Variants in TOX observed in about 807,000 individuals in gnomAD.
TOX encodes the protein thymocyte selection-associated high mobility group box protein TOX.
In TOX, 11 loss-of-function variants were observed where a neutral mutation model predicts 53.7. That is an observed-to-expected ratio of 0.20 (90% confidence interval 0.13 to 0.34). The LOEUF is 0.34. TOX is among the 10% of genes least tolerant of loss of function. The probability of loss-of-function intolerance (pLI) is 1.00; values close to 1 mark genes in which losing one functional copy is unlikely to be tolerated. For synonymous variants in TOX, 225 were observed against 245.3 expected (o/e 0.92, Z 0.77); for missense variants, 570 against 664.6 (o/e 0.86, Z 1.56).
intron 7 of TOX, among the ~76,000 whole-genome samples, chr8:58,810,942 T>A (rs1052304689): frequency 6.6e-6 from 1 of 152,188 alleles, no homozygotes; most frequent in African/African-American, 2.4e-5. Flanking sequence ...ATGAGTGACT[T>A]CAGTTTACAA....
At chr8:58,822,833 A>G (rs1810304599) in intron 6 of TOX, among the ~76,000 whole-genome samples, 1 of 152,244 alleles carries the variant, frequency 6.6e-6, no homozygotes, top group African/African-American at 2.4e-5. Flanking sequence ...AAGCTCTGCA[A>G]CAAGACAGTG....
At chr8:58,934,035 C>T (rs1812304243) in intron 3 of TOX, among the ~76,000 whole-genome samples, 1 of 152,144 alleles carries the variant, frequency 6.6e-6, no homozygotes, top group Admixed American at 6.6e-5. Context: ...CAATTACTCA[C>T]TATCAAAATA....
chr8:58,929,039 G>T (rs1489581025), intron 3 of TOX, among the ~76,000 whole-genome samples: 1 of 152,054 alleles, frequency 6.6e-6, no homozygotes, highest in East Asian at 1.9e-4. Context: ...CATTTTGAGA[G>T]GGTTTTTGCC....
chr8:58,887,976 G>C (rs772351420), intron 3 of TOX, among the ~76,000 whole-genome samples: 4 of 152,040 alleles, frequency 2.6e-5, no homozygotes, highest in Non-Finnish European at 4.4e-5. Flanking sequence ...AAGCTAGATG[G>C]TATAGCCTAC....
chr8:58,968,915 G>A (rs529838684), intron 1 of TOX, among the ~76,000 whole-genome samples: 6 of 152,088 alleles, frequency 3.9e-5, no homozygotes, highest in African/African-American at 7.2e-5. Flanking sequence ...GGGTTGAAAC[G>A]GTAAAACTTT....
At chr8:58,893,405 C>T (rs962873441) in intron 3 of TOX, among the ~76,000 whole-genome samples, 2 of 152,154 alleles carry the variant, frequency 1.3e-5, no homozygotes, top group African/African-American at 4.8e-5. Context: ...AGATGATATT[C>T]ACCACTGCAG....
At chr8:58,882,856 G>C (rs142042243) in intron 3 of TOX, among the ~76,000 whole-genome samples, 1 of 152,072 alleles carries the variant, frequency 6.6e-6, no homozygotes, top group African/African-American at 2.4e-5. Flanking sequence ...AAGATTCTTC[G>C]AACTGTCTCA....
At chr8:59,039,316 C>A (rs1158450213) in intron 1 of TOX, among the ~76,000 whole-genome samples, 1 of 152,184 alleles carries the variant, frequency 6.6e-6, no homozygotes, top group Non-Finnish European at 1.5e-5. Context: ...CAACAATTAT[C>A]AAATATTTTC....
intron 1 of TOX, among the ~76,000 whole-genome samples, chr8:58,994,404 G>A (rs919198603): frequency 6.0e-5 from 9 of 149,824 alleles, no homozygotes; most frequent in African/African-American, 2.3e-4. Flanking sequence ...GTGTGTGTGT[G>A]TGTGTGTGTG....
At chr8:58,943,532 C>G (rs928336225) in intron 2 of TOX, among the ~76,000 whole-genome samples, 15 of 151,738 alleles carry the variant, frequency 9.9e-5, no homozygotes, top group African/African-American at 3.6e-4. Flanking sequence ...TTCTCCAACT[C>G]TCTTGGGAAC....
chr8:58,966,393 A>T (rs1309218374), intron 1 of TOX, among the ~76,000 whole-genome samples: 1 of 152,228 alleles, frequency 6.6e-6, no homozygotes, highest in Non-Finnish European at 1.5e-5. Context: ...ACTCAGGAGC[A>T]CACAGAGCTG....
At chr8:59,001,486 G>C (rs1198793979) in intron 1 of TOX, among the ~76,000 whole-genome samples, 1 of 152,240 alleles carries the variant, frequency 6.6e-6, no homozygotes, top group East Asian at 1.9e-4. Flanking sequence ...CATCAGTTTT[G>C]AGGGGATGTG....
chr8:59,020,514 C>T (rs547175020), intron 1 of TOX, among the ~76,000 whole-genome samples: 1 of 152,208 alleles, frequency 6.6e-6, no homozygotes, highest in East Asian at 1.9e-4. Context: ...TACAGGAATG[C>T]GATACAGTAT....
intron 3 of TOX, among the ~76,000 whole-genome samples, chr8:58,882,799 G>A (rs1208096102): frequency 2.0e-5 from 3 of 152,188 alleles, no homozygotes; most frequent in Non-Finnish European, 2.9e-5. Flanking sequence ...TAGGACATAT[G>A]AGTGCATTGG....
rs537433602 is a variant in TOX, at chr8:58,832,679, G to C, written c.924+5402C>G. On this transcript the variant is annotated intron_variant, in intron 5 of 8. Transcript: ENST00000361421. The stretch of plus-strand genomic sequence containing the variant: ...TTAGCAGGACAGGCTCATAATTGAA[G>C]CAAATTAACTATTTACACTTGCCAC... Among the ~76,000 whole-genome samples, 474 of 152,238 alleles carry C rather than the reference G, an allele frequency of 3.1e-3. 2 individuals carry two copies. The highest frequency in any genetic ancestry group is 5.2e-3 in the Non-Finnish European group (357 of 68,020).
At chr8:58,875,752 T>C (rs192834022) in intron 3 of TOX, among the ~76,000 whole-genome samples, 1 of 152,326 alleles carries the variant, frequency 6.6e-6, no homozygotes, top group East Asian at 1.9e-4. Flanking sequence ...AAAGGTTAGA[T>C]GAGCTGGATT....
intron 3 of TOX, among the ~76,000 whole-genome samples, chr8:58,932,802 C>A (rs1386076103): frequency 6.6e-6 from 1 of 152,088 alleles, no homozygotes; most frequent in East Asian, 1.9e-4. Context: ...TCCTGTATAG[C>A]ACCTATGAAA....
chr8:59,023,442 A>C (rs549825719), intron 1 of TOX, among the ~76,000 whole-genome samples: 1 of 152,318 alleles, frequency 6.6e-6, no homozygotes, highest in East Asian at 1.9e-4. Flanking sequence ...TTACAGTTGG[A>C]GAAGGCAACT....
intron 1 of TOX, among the ~76,000 whole-genome samples, chr8:58,999,149 T>G (rs1813642294): frequency 6.6e-6 from 1 of 152,206 alleles, no homozygotes; most frequent in Non-Finnish European, 1.5e-5. Context: ...GTAGCCAGAC[T>G]AGTGCAAAGG....
Sources: gnomAD v4.1 joint callset for allele counts (sites outside exome capture counted in the v4.1 genomes callset) on GRCh38, gnomAD v4.1.1 for gene constraint, MANE v1.5 for transcripts, NCBI Gene and HGNC (gene_info 2026-07-23, HGNC 2026-07-21) for gene names.